CERS6: variants seen among roughly 807,000 people sequenced by gnomAD.
CERS6 encodes the protein LAG1 homolog, ceramide synthase 6.
Under a neutral mutation model 56.8 loss-of-function variants are expected in CERS6, and 26 were observed. The observed-to-expected ratio is 0.46, with a 90% CI of 0.34 to 0.63. The LOEUF is 0.63. Among genes scored for constraint, CERS6 ranks in the 30% least tolerant of loss-of-function variants. The pLI, the probability that CERS6 is intolerant of heterozygous loss-of-function variation, is 0.01. For synonymous variants in CERS6, 164 were observed against 173.3 expected (o/e 0.95, Z 0.42); for missense variants, 415 against 467.5 (o/e 0.89, Z 1.04).
At chr2:168,565,378 G>T (rs1695866820) in intron 3 of CERS6, among the ~76,000 whole-genome samples, 1 of 152,142 alleles carries the variant, frequency 6.6e-6, no homozygotes. Context: ...GGAAAAAAAT[G>T]CCCCAAGTGC....
Position 168,630,986 on chromosome 2 carries a change from TG to T in CERS6, c.411del (p.Trp137Ter). 6.7e-7 allele frequency: 1 copy of T among 1,490,188 alleles called. No individual in the cohort carries two copies. The highest frequency in any genetic ancestry group is 9.2e-7 in the Non-Finnish European group (1 of 1,087,572). 92.3% of individuals were successfully genotyped at this position (1,490,188 alleles called of 1,614,324 possible). On this transcript the variant is annotated frameshift_variant and splice_region_variant, in exon 4 of 10. Coordinates refer to ENST00000305747, the MANE Select transcript of CERS6 (RefSeq NM_203463.3). LOFTEE classifies it high-confidence loss of function. Reference sequence around the variant, plus strand: ...AGATTTTTTTTTAACCTTCTACAGGTGGAGATTTTCATTTTACCTTTATGTA... The same window carrying T: ...AGATTTTTTTTTAACCTTCTACAGGTGAGATTTTCATTTTACCTTTATGTA... Reference protein sequence around the residue: ...STLTRFCESMWRFSFYLYVFT... With the variant: ...STLTRFCESMXRFSFYLYVFT...
chr2:168,713,742 A>T (rs1687155331), intron 6 of CERS6, among the ~76,000 whole-genome samples: 1 of 152,190 alleles, frequency 6.6e-6, no homozygotes, highest in African/African-American at 2.4e-5. Flanking sequence ...AGTAACAAGC[A>T]TGCATATGTA....
chr2:168,681,466 C>T (rs1027969333), intron 4 of CERS6, among the ~76,000 whole-genome samples: 3 of 152,038 alleles, frequency 2.0e-5, no homozygotes, highest in Non-Finnish European at 4.4e-5. Context: ...AAATATAGAG[C>T]AAATTGGGTT....
chr2:168,686,710 C>G (rs140750275), intron 4 of CERS6, among the ~76,000 whole-genome samples: 12 of 152,242 alleles, frequency 7.9e-5, no homozygotes, highest in South Asian at 6.2e-4. Context: ...GCGGAAGGCA[C>G]AGTGGAAGAG....
Position 168,576,051 on chromosome 2 carries a change from G to A in CERS6, c.407+14729G>A, listed in dbSNP as rs546876841. 2.6e-5 allele frequency among the ~76,000 whole-genome samples: 4 copies of A among 152,236 alleles called. No individual in the cohort carries two copies. In the South Asian group the frequency reaches 8.3e-4, roughly 32 times the overall value. ...GGAGTCCAGGCAGGGACATAGGGAG[G>A]TAGAGTTAGGTAAGTCTCTCCTGGT... On this transcript the variant is annotated intron_variant, in intron 3 of 9. Transcript: ENST00000305747.
At chr2:168,700,474 C>T (rs1340353585) in intron 6 of CERS6, among the ~76,000 whole-genome samples, 1 of 152,038 alleles carries the variant, frequency 6.6e-6, no homozygotes, top group African/African-American at 2.4e-5. Flanking sequence ...CCATGAACAC[C>T]ATTGATTCAT....
chr2:168,537,888 C>A (rs1695294076), intron 1 of CERS6, among the ~76,000 whole-genome samples: 1 of 152,212 alleles, frequency 6.6e-6, no homozygotes. Flanking sequence ...CCAGGCCTCA[C>A]ACTGAAGTCA....
chr2:168,579,897 A>C (rs1462924139), intron 3 of CERS6, among the ~76,000 whole-genome samples: 1 of 152,022 alleles, frequency 6.6e-6, no homozygotes, highest in African/African-American at 2.4e-5. Flanking sequence ...ATCATCCTGG[A>C]ACGTTCTGCT....
At chr2:168,710,965 G>T (rs989687894) in intron 6 of CERS6, among the ~76,000 whole-genome samples, 2 of 152,182 alleles carry the variant, frequency 1.3e-5, no homozygotes, top group Non-Finnish European at 2.9e-5. Flanking sequence ...GTTGGAAGAC[G>T]CATGTTTCCC....
At chr2:168,544,564 G>T (rs1395161695) in intron 1 of CERS6, among the ~76,000 whole-genome samples, 1 of 152,136 alleles carries the variant, frequency 6.6e-6, no homozygotes, top group Non-Finnish European at 1.5e-5. Context: ...GCATTCTGGG[G>T]GTCATTGGGT....
In CERS6 at chr2:168,769,686, G is replaced by A. The variant is rs1684815978; in HGVS notation, c.*24G>A. ...AATTACTCAAAACTACAAGTCCCAA[G>A]CAAAGTGAACTATTTGTTCCTGGAA... is the stretch of plus-strand genomic sequence containing the variant. On this transcript the variant is annotated 3_prime_UTR_variant, in exon 10 of 10. Transcript: ENST00000305747. The A allele has an allele frequency of 1.9e-6, 3 of 1,605,348 alleles. No homozygotes were observed. In the African/African-American group the frequency reaches 4.0e-5, roughly 22 times the overall value.
chr2:168,650,420 C>T (rs1685315063), intron 4 of CERS6, among the ~76,000 whole-genome samples: 1 of 152,152 alleles, frequency 6.6e-6, no homozygotes, highest in Non-Finnish European at 1.5e-5. Flanking sequence ...TACAACCTTC[C>T]CTCCTGCTCT....
At chr2:168,478,651 G>C (rs918412592) in intron 1 of CERS6, among the ~76,000 whole-genome samples, 1 of 152,182 alleles carries the variant, frequency 6.6e-6, no homozygotes, top group Admixed American at 6.5e-5. Flanking sequence ...TCGTGCATGT[G>C]AAAGTGTAAG....
rs34492119 is a variant in CERS6, at chr2:168,484,167, G to GT, written c.170+27580dup. On this transcript the variant is annotated intron_variant, in intron 1 of 9. Transcript: ENST00000305747. ...TTTTCTTTTTCTTTTTCTTTTTTCT[G>GT]TTTTTTTTTTTTTTTTTTTTTTTTT... Among the ~76,000 whole-genome samples the GT allele has an allele frequency of 1.8e-3, 94 of 51,604 alleles. 25 individuals are homozygous for GT. Among genetic ancestry groups the GT allele is most frequent in the Admixed American group, 2.6e-3 (11 of 4,182 alleles). The allele number at this position is 51,604 out of a possible 152,430, so 33.9% of individuals were successfully genotyped here.
intron 1 of CERS6, among the ~76,000 whole-genome samples, chr2:168,521,460 C>A (rs1343650126): frequency 6.6e-6 from 1 of 152,044 alleles, no homozygotes. Flanking sequence ...GGGTGTGTCC[C>A]TGGCTTTGAA....
At chr2:168,716,712 C>G (rs1483349018) in intron 7 of CERS6, among the ~76,000 whole-genome samples, 1 of 152,014 alleles carries the variant, frequency 6.6e-6, no homozygotes, top group East Asian at 1.9e-4. Context: ...TTTACCTAGC[C>G]AGGAGAAGGT....
At chr2:168,746,409 G>A (rs894734373) in intron 8 of CERS6, among the ~76,000 whole-genome samples, 2 of 152,068 alleles carry the variant, frequency 1.3e-5, no homozygotes, top group African/African-American at 4.8e-5. Flanking sequence ...GCAAGAAGAT[G>A]TGCAGTCTCC....
intron 3 of CERS6, among the ~76,000 whole-genome samples, chr2:168,563,324 T>C (rs780419041): frequency 1.3e-5 from 2 of 152,220 alleles, no homozygotes; most frequent in African/African-American, 4.8e-5. Context: ...GTCATAGTTA[T>C]GATCAATTAA....
intron 3 of CERS6, among the ~76,000 whole-genome samples, chr2:168,613,648 A>T (rs1203557600): frequency 6.6e-6 from 1 of 152,224 alleles, no homozygotes; most frequent in Non-Finnish European, 1.5e-5. Flanking sequence ...TGTGAGTATC[A>T]TAGGTGTAAA....
Sources: allele counts gnomAD v4.1 joint callset (sites outside exome capture counted in the v4.1 genomes callset), GRCh38; gene constraint gnomAD v4.1.1; transcripts MANE v1.5; gene names NCBI Gene and HGNC (gene_info 2026-07-23, HGNC 2026-07-21).